The following CDH17 variants were observed in gnomAD, a reference collection of about 807,000 sequenced individuals.
The protein encoded by CDH17 is cadherin 17.
CDH17 carries 67 observed loss-of-function variants against 86.3 expected under a neutral mutation model. The observed-to-expected ratio is 0.78, with a 90% CI of 0.64 to 0.95. The LOEUF (loss-of-function observed/expected upper bound fraction) is 0.95. Ranked by LOEUF, CDH17 falls within the 40% of genes least tolerant of loss-of-function variation. The pLI, the probability that CDH17 is intolerant of heterozygous loss-of-function variation, is 0.00. For missense variants in CDH17, 993 were observed against 1,017.6 expected, an observed-to-expected ratio of 0.98 and a Z score of 0.33; for synonymous variants, 367 against 366.4, an observed-to-expected ratio of 1.00 and a Z score of -0.02.
At position 94,128,084 on chromosome 8, in the gene CDH17, C is replaced by T. The variant is rs546341553; in HGVS notation, c.*156G>A. 10 of 600,790 alleles carry T rather than the reference C, an allele frequency of 1.7e-5. No individual in the cohort carries two copies. The highest frequency in any genetic ancestry group is 2.9e-5 in the Non-Finnish European group (10 of 341,024). 37.2% of individuals were successfully genotyped at this position (600,790 alleles called of 1,614,324 possible). A position where few individuals can be genotyped will look rare whatever the true frequency, so the allele number is the denominator to read the frequency against. Reference sequence around the variant, plus strand: ...CTCCAGCCTGGGCGACAGAGCAAGACTCCACCTCAAAAAAGAAATATTTAG... The same window carrying T: ...CTCCAGCCTGGGCGACAGAGCAAGATTCCACCTCAAAAAAGAAATATTTAG... On this transcript the variant is annotated 3_prime_UTR_variant, in exon 18 of 18. Coordinates refer to ENST00000027335, the MANE Select transcript of CDH17 (RefSeq NM_004063.4).
At chr8:94,188,115 A>T (rs567060083) in intron 3 of CDH17, among the ~76,000 whole-genome samples, 1 of 152,254 alleles carries the variant, frequency 6.6e-6, no homozygotes, top group East Asian at 1.9e-4. Context: ...ACCCACGCAG[A>T]TACCAAAATC....
At chr8:94,216,559 G>GTTT (rs11398344) in intron 1 of CDH17, among the ~76,000 whole-genome samples, 3 of 50,964 alleles carry the variant, frequency 5.9e-5, no homozygotes, top group Admixed American at 3.1e-4. Context: ...GCTCCAGAGG[G>GTTT]TTTGTTTTTT....
At chr8:94,141,582 AG>A (rs1393303776) in intron 15 of CDH17, among the ~76,000 whole-genome samples, 4 of 152,214 alleles carry the variant, frequency 2.6e-5, no homozygotes, top group Admixed American at 6.5e-5. Context: ...TCTAGAATAC[AG>A]ATCAGTATAC....
chr8:94,168,143 T>TATATATATATAC (rs1813199648), intron 9 of CDH17, among the ~76,000 whole-genome samples: 1 of 101,590 alleles, frequency 9.8e-6, no homozygotes, highest in African/African-American at 5.9e-5. Flanking sequence ...TATATATATA[T>TATATATATATAC]ATATATATAT....
intron 1 of CDH17, among the ~76,000 whole-genome samples, chr8:94,200,202 C>A (rs13262340): frequency 0.052 from 7,910 of 152,236 alleles, 245 homozygotes; most frequent in African/African-American, 0.073. Context: ...TCCATGGACA[C>A]AATACCATTC....
In CDH17 at chr8:94,170,866, T is replaced by C. The variant is rs376893798; in HGVS notation, c.903A>G (p.Glu301=). 1.2e-6 allele frequency: 2 copies of C among 1,613,754 alleles called. No homozygotes were observed. The stretch of plus-strand genomic sequence containing the variant: ...CTCTTTTACTCACTGCATCCTTTTC[T>C]TCTCGGTCCAAGGGCTGAGTCACGT... ...DIYVTQPLDR[E]EKDAYVFYAV... The change falls in exon 8 of 18, where the codon GAA becomes GAG. Residue 301 remains glutamate, a synonymous_variant. Transcript: ENST00000027335.
intron 15 of CDH17, among the ~76,000 whole-genome samples, chr8:94,143,626 T>G (rs907320931): frequency 6.6e-6 from 1 of 152,218 alleles, no homozygotes; most frequent in African/African-American, 2.4e-5. Flanking sequence ...GTAGCCACTT[T>G]CATTAAGGAT....
chr8:94,186,565 C>G (rs1267330485), intron 3 of CDH17, among the ~76,000 whole-genome samples: 2 of 152,140 alleles, frequency 1.3e-5, no homozygotes, highest in Non-Finnish European at 1.5e-5. Context: ...GATCTAATCA[C>G]CCACCAAAGA....
chr8:94,190,556 G>A (rs1029999249), intron 2 of CDH17, among the ~76,000 whole-genome samples: 3 of 152,124 alleles, frequency 2.0e-5, no homozygotes, highest in Non-Finnish European at 4.4e-5. Flanking sequence ...CACGACTTTG[G>A]GTCTCCCATT....
intron 1 of CDH17, among the ~76,000 whole-genome samples, chr8:94,207,634 C>G (rs1814055463): frequency 6.6e-6 from 1 of 152,132 alleles, no homozygotes; most frequent in Non-Finnish European, 1.5e-5. Flanking sequence ...GCCTCATTTG[C>G]TATTTAAGCT....
chr8:94,132,634 G>A (rs1402045863), intron 15 of CDH17, among the ~76,000 whole-genome samples: 1 of 152,110 alleles, frequency 6.6e-6, no homozygotes, highest in Non-Finnish European at 1.5e-5. Context: ...CACTCTGATG[G>A]TAGTTTCTTT....
chr8:94,147,131 C>A lies in CDH17; in HGVS notation c.1928-964G>T, dbSNP rs117579120. ...TCTAGAATGTGAGAAACTCTTGGGA[C>A]ACATCCAGAGTGAAGTTCTGATCCC... is the stretch of plus-strand genomic sequence containing the variant. On this transcript the variant is annotated intron_variant, in intron 14 of 17. Transcript: ENST00000027335. Among the ~76,000 whole-genome samples, 1,405 of 152,282 alleles carry A rather than the reference C, an allele frequency of 9.2e-3. 11 individuals carry two copies. The highest frequency in any genetic ancestry group is 0.016 in the Non-Finnish European group (1,103 of 68,022).
At chr8:94,146,792 AG>A (rs1812753077) in intron 14 of CDH17, among the ~76,000 whole-genome samples, 1 of 152,218 alleles carries the variant, frequency 6.6e-6, no homozygotes, top group Non-Finnish European at 1.5e-5. Flanking sequence ...TATTACACTA[AG>A]TGCTCAGTAT....
upstream of CDH17, among the ~76,000 whole-genome samples, chr8:94,211,789 C>T (rs1814125918): frequency 6.6e-6 from 1 of 152,182 alleles, no homozygotes; most frequent in Non-Finnish European, 1.5e-5. Flanking sequence ...ATTTTAATTA[C>T]TTAATATCTG....
intron 15 of CDH17, among the ~76,000 whole-genome samples, chr8:94,138,220 T>C (rs545063903): frequency 6.6e-6 from 1 of 152,292 alleles, no homozygotes; most frequent in South Asian, 2.1e-4. Flanking sequence ...TAAATATGCA[T>C]ATTTAAAAAT....
chr8:94,205,557 A>G (rs1814010062), intron 1 of CDH17, among the ~76,000 whole-genome samples: 2 of 152,218 alleles, frequency 1.3e-5, no homozygotes, highest in South Asian at 4.1e-4. Context: ...AGTCATGCTT[A>G]AGTATGGCAG....
chr8:94,204,058 T>C (rs571735555), intron 1 of CDH17, among the ~76,000 whole-genome samples: 15 of 152,200 alleles, frequency 9.9e-5, no homozygotes, highest in African/African-American at 1.2e-4. Context: ...CTTAAAATGG[T>C]TTAGATTGAT....
upstream of CDH17, among the ~76,000 whole-genome samples, chr8:94,213,525 A>G (rs1814152930): frequency 6.6e-6 from 1 of 152,292 alleles, no homozygotes; most frequent in African/African-American, 2.4e-5. Flanking sequence ...TTTTTTTCTC[A>G]GACAGCTAAG....
chr8:94,131,047 G>C (rs1812406749), intron 15 of CDH17, 55 bp from the exon 16 acceptor site: 1 of 918,766 alleles, frequency 1.1e-6, no homozygotes, highest in Non-Finnish European at 1.8e-6. Context: ...GGATTAGCAG[G>C]AATAAAGCTC....
Sources: gnomAD v4.1 joint callset for allele counts (sites outside exome capture counted in the v4.1 genomes callset) on GRCh38, gnomAD v4.1.1 for gene constraint, MANE v1.5 for transcripts, NCBI Gene and HGNC (gene_info 2026-07-23, HGNC 2026-07-21) for gene names.